Variants in CAPN15 observed in about 807,000 individuals in gnomAD.
The protein encoded by CAPN15 is calpain 15.
CAPN15 carries 53 observed loss-of-function variants against 97.9 expected under a neutral mutation model. The observed-to-expected ratio is 0.54, with a 90% CI of 0.43 to 0.68. CAPN15 has a LOEUF of 0.68. CAPN15 is among the 30% of genes least tolerant of loss of function. The pLI, the probability that CAPN15 is intolerant of heterozygous loss-of-function variation, is 0.00. For synonymous variants in CAPN15, 922 were observed against 722.5 expected, an observed-to-expected ratio of 1.28 and a Z score of -4.43; for missense variants, 1,592 against 1,589.8, an observed-to-expected ratio of 1.00 and a Z score of -0.02.
chr16:531,508 C>T (rs537507266), intron 1 of CAPN15, among the ~76,000 whole-genome samples: 2 of 152,304 alleles, frequency 1.3e-5, no homozygotes, highest in East Asian at 3.9e-4. Flanking sequence ...AGTTCCTGCC[C>T]CTCCTGAAAA....
intron 1 of CAPN15, among the ~76,000 whole-genome samples, chr16:528,420 G>A (rs1356222475): frequency 6.6e-6 from 1 of 152,358 alleles, no homozygotes; most frequent in South Asian, 2.1e-4. Flanking sequence ...GGCCGCCTTA[G>A]GGATGTTGTG....
rs534504540 is a variant in CAPN15, at chr16:535,043, G to A, written c.-136-986G>A. 4.7e-4 allele frequency among the ~76,000 whole-genome samples: 71 copies of A among 152,274 alleles called. No individual in the cohort carries two copies. The highest frequency in any genetic ancestry group is 8.7e-4 in the Non-Finnish European group (59 of 68,000). On this transcript the variant is annotated intron_variant, in intron 2 of 13. Coordinates refer to ENST00000219611, the MANE Select transcript of CAPN15 (RefSeq NM_005632.3). The surrounding 1 kb of genome is among the most constrained non-coding windows in gnomAD (Gnocchi z 6.2). ...GTATGCGGAGTGGACACAGCTGTGGGTGCCGCCCGCGCAAGGCTGGGGGTC... is the reference window on the plus strand; with the variant it reads ...GTATGCGGAGTGGACACAGCTGTGGATGCCGCCCGCGCAAGGCTGGGGGTC...
chr16:534,459 A>C (rs140598258), intron 2 of CAPN15, among the ~76,000 whole-genome samples: 2,123 of 152,188 alleles, frequency 0.014, 43 homozygotes, highest in African/African-American at 0.048. Flanking sequence ...GTCGGAGTCC[A>C]CGTCCTCCCC....
At chr16:542,472 C>T (rs1386592599) in intron 3 of CAPN15, among the ~76,000 whole-genome samples, 3 of 152,174 alleles carry the variant, frequency 2.0e-5, no homozygotes, top group Non-Finnish European at 2.9e-5. Context: ...TTCTGGCCGT[C>T]CCAGGGGGTG....
chr16:550,670 C>T (rs1050074303), intron 7 of CAPN15, among the ~76,000 whole-genome samples: 3 of 149,440 alleles, frequency 2.0e-5, no homozygotes, highest in Admixed American at 6.6e-5. Flanking sequence ...GGTCCCCGGT[C>T]GGTGAGGGCC....
At position 548,265 on chromosome 16, in the gene CAPN15, ACAT is replaced by A; in HGVS notation, c.1429_1431del (p.Ile477del). The A allele has an allele frequency of 6.5e-7, 1 of 1,528,598 alleles. No homozygotes were observed. Among genetic ancestry groups the A allele is most frequent in the Non-Finnish European group, 8.8e-7 (1 of 1,139,542 alleles). 94.7% of individuals were successfully genotyped at this position (1,528,598 alleles called of 1,614,324 possible). A position where few individuals can be genotyped will look rare whatever the true frequency, so the allele number is the denominator to read the frequency against. On this transcript the variant is annotated inframe_deletion, in exon 4 of 14. Transcript: ENST00000219611. ...GGCGAGGCCAAGGCACTCTGGGAGA[ACAT>A]CGTGGCCTTCTGCCGGGAGGTGAGG...
chr16:552,540 C>T lies in CAPN15; in HGVS notation c.2737+10C>T. The T allele has an allele frequency of 1.3e-6, 2 of 1,591,184 alleles. No individual in the cohort carries two copies. Among genetic ancestry groups the T allele is most frequent in the South Asian group, 1.1e-5 (1 of 89,734 alleles). On this transcript the variant is annotated intron_variant, in intron 11 of 13. Transcript: ENST00000219611. The surrounding 1 kb of genome is among the most constrained non-coding windows in gnomAD (Gnocchi z 6.4). ...ACCCCTGCCCCCCAGGGTACGTGGC[C>T]CCTACCCCAGGCTCATGCCCCAGGC...
intron 3 of CAPN15, chr16:540,013 G>T (rs1049961881): frequency 2.1e-6 from 2 of 935,014 alleles, no homozygotes; most frequent in Non-Finnish European, 1.3e-6. Context: ...GTCCTCCCGG[G>T]CTGTGTGTGT....
At position 528,659 on chromosome 16, in the gene CAPN15, G is replaced by C. The variant is rs548274823; in HGVS notation, c.-190+630G>C. ...GGGGGAACTCTTGTGTGGTCAGCTG[G>C]CCCTGGCCGGGCGAGCTCTCGGGGC... On this transcript the variant is annotated intron_variant, in intron 1 of 13. Coordinates refer to ENST00000219611, the MANE Select transcript of CAPN15 (RefSeq NM_005632.3). 3.3e-6 allele frequency: 3 copies of C among 922,090 alleles called. No homozygotes were observed. In the South Asian group the frequency reaches 1.5e-4, roughly 46 times the overall value. 57.1% of individuals were successfully genotyped at this position (922,090 alleles called of 1,614,324 possible). A position where few individuals can be genotyped will look rare whatever the true frequency, so the allele number is the denominator to read the frequency against.
In CAPN15 at chr16:534,689, A is replaced by C. The variant is rs574781151; in HGVS notation, c.-137+691A>C. On this transcript the variant is annotated intron_variant, in intron 2 of 13. Transcript: ENST00000219611. ...CTGGCTCTTGTTTCCTGCCTGGACCAGCAGCCTCTGGTCTGGTGGGTGCAG... is the reference window on the plus strand; with the variant it reads ...CTGGCTCTTGTTTCCTGCCTGGACCCGCAGCCTCTGGTCTGGTGGGTGCAG... 9.2e-5 allele frequency among the ~76,000 whole-genome samples: 14 copies of C among 152,318 alleles called. No individual in the cohort carries two copies. In the South Asian group the frequency reaches 1.4e-3, roughly 16 times the overall value.
chr16:538,201 T>G (rs1353477357), intron 3 of CAPN15: 1 of 152,162 alleles, frequency 6.6e-6, no homozygotes, highest in Non-Finnish European at 1.5e-5. Context: ...GGGTGGTCCC[T>G]GTGGAGAAGC....
intron 4 of CAPN15, 86 bp downstream of exon 4, chr16:548,373 T>G (rs1395957967): frequency 3.8e-6 from 5 of 1,318,746 alleles, no homozygotes; most frequent in Non-Finnish European, 5.0e-6. Context: ...GGCGATGGGC[T>G]GGGGAGGAGC....
intron 3 of CAPN15, chr16:539,340 G>A (rs1451797856): frequency 1.3e-5 from 2 of 152,330 alleles, no homozygotes; most frequent in South Asian, 2.1e-4. Flanking sequence ...GGAGAGGGGA[G>A]TGTATCGGAC....
In CAPN15 at chr16:547,719, G is replaced by A. The variant is rs769961966; in HGVS notation, c.881G>A (p.Arg294Gln). ...CTAGCAGAGTTGCTGTCTGGCAAGC[G>A]GCTGAGTGTGCTGGAGGAAGAGGCC... ...SRLAELLSGK[R>Q]LSVLEEEATE... Residue 294 changes from arginine to glutamine, a missense_variant, in exon 4 of 14, where the codon CGG becomes CAG. By Grantham distance (43) the Arg-to-Gln change is conservative. Transcript: ENST00000219611. The A allele has an allele frequency of 1.2e-5, 20 of 1,601,310 alleles. No individual in the cohort carries two copies. The highest frequency in any genetic ancestry group is 1.0e-4 in the Admixed American group (6 of 59,432).
At position 552,084 on chromosome 16, in the gene CAPN15, C is replaced by T. The variant is rs1411876757; in HGVS notation, c.2379C>T (p.His793=). 1 of 1,549,278 alleles carries T rather than the reference C, an allele frequency of 6.5e-7. No individual in the cohort carries two copies. ...YFDSVDICKV[H]SDWQEARVQG... ...ACTCCGTGGACATCTGTAAGGTGCA[C>T]TCGGACTGGCAGGAGGCGCGGGTGC... Residue 793 remains histidine, a synonymous_variant, in exon 10 of 14, where the codon CAC becomes CAT. Transcript: ENST00000219611. This position sits in a 1 kb window ranked among gnomAD's most constrained non-coding sequence, Gnocchi z 6.4.
chr16:547,826 C>G lies in CAPN15; in HGVS notation c.988C>G (p.Arg330Gly). The G allele has an allele frequency of 6.2e-7, 1 of 1,610,754 alleles. No individual in the cohort carries two copies. Among genetic ancestry groups the G allele is most frequent in the Non-Finnish European group, 8.5e-7 (1 of 1,179,248 alleles). The change falls in exon 4 of 14, where the codon CGT becomes GGT. Residue 330 changes from arginine to glycine, a missense_variant. This residue lies in a region of CAPN15 where 883 missense variants were observed against 776.6 expected (regional missense o/e 1.14). Transcript: ENST00000219611. ...DIIDLAGDTV[R>G]YTPASPSSPD... ...CATTGACCTGGCCGGAGACACCGTGCGTTACACGCCCGCCAGCCCCTCCAG... is the reference window on the plus strand; with the variant it reads ...CATTGACCTGGCCGGAGACACCGTGGGTTACACGCCCGCCAGCCCCTCCAG...
At position 540,305 on chromosome 16, in the gene CAPN15, G is replaced by C. The variant is rs911187609; in HGVS notation, c.-23+4163G>C. ...GCTGGCTGGTGTAGGAGCGGCCCAG[G>C]GGGGCCCGTCTGGGGAGGTGCCCTG... On this transcript the variant is annotated intron_variant, in intron 3 of 13. Transcript: ENST00000219611. 3.0e-6 allele frequency: 3 copies of C among 985,432 alleles called. No individual in the cohort carries two copies. The African/African-American group carries it at 5.2e-5, about 17-fold the overall frequency. The allele number at this position is 985,432 out of a possible 1,614,324, so 61.0% of individuals were successfully genotyped here.
intron 3 of CAPN15, among the ~76,000 whole-genome samples, chr16:544,779 G>GCC: frequency 1.5e-5 from 1 of 65,898 alleles, no homozygotes; most frequent in African/African-American, 7.3e-5. Context: ...CCCCCACGTC[G>GCC]TCTCCCCCAC....
In CAPN15 at chr16:552,673, A is replaced by G; in HGVS notation, c.2806A>G (p.Ser936Gly). 6.5e-7 allele frequency: 1 copy of G among 1,543,650 alleles called. No homozygotes were observed. The highest frequency in any genetic ancestry group is 1.4e-5 in the African/African-American group (1 of 73,004). ...EPPGHVLAVY[S>G]SRLVMVEPVE... ...GCCGGGCCACGTGCTGGCTGTGTACAGCTCGAGGCTGGTCATGGTGGAGCC... is the reference window on the plus strand; with the variant it reads ...GCCGGGCCACGTGCTGGCTGTGTACGGCTCGAGGCTGGTCATGGTGGAGCC... Residue 936 changes from serine to glycine, a missense_variant, in exon 12 of 14, where the codon AGC becomes GGC. Physicochemically the swap from Ser to Gly is moderately conservative, Grantham distance 56 (BLOSUM62 0). Coordinates refer to ENST00000219611, the MANE Select transcript of CAPN15 (RefSeq NM_005632.3). This position sits in a 1 kb window ranked among gnomAD's most constrained non-coding sequence, Gnocchi z 6.4.
Sources: allele counts gnomAD v4.1 joint callset (sites outside exome capture counted in the v4.1 genomes callset), GRCh38; gene constraint gnomAD v4.1.1; regional missense constraint gnomAD v4.1.1; non-coding constraint Gnocchi (gnomAD v3.1); transcripts MANE v1.5; gene names NCBI Gene and HGNC (gene_info 2026-07-23, HGNC 2026-07-21).